Variants in AFG2A observed in about 807,000 individuals in gnomAD.
The protein encoded by AFG2A is AAA ATPase AFG2A, also known as ATPase family gene 2 protein homolog A.
chr4:123,305,244 G>A, the AFG2A span, among the ~76,000 whole-genome samples: 3 of 152,066 alleles, frequency 2.0e-5, no homozygotes, highest in Non-Finnish European at 4.4e-5. Context: ...TGAGGATATC[G>A]ATAATCTCTG....
the AFG2A span, among the ~76,000 whole-genome samples, chr4:123,093,881 A>G: frequency 6.6e-6 from 1 of 152,372 alleles, no homozygotes; most frequent in Non-Finnish European, 1.5e-5. Context: ...AGGTTAAACA[A>G]GAAAATTACA....
the AFG2A span, among the ~76,000 whole-genome samples, chr4:123,124,335 G>T: frequency 1.3e-5 from 2 of 152,168 alleles, no homozygotes; most frequent in Non-Finnish European, 1.5e-5. Context: ...CATGTCCTTT[G>T]TAGGGACATG....
chr4:123,116,710 G>A, the AFG2A span, among the ~76,000 whole-genome samples: 1 of 152,180 alleles, frequency 6.6e-6, no homozygotes, highest in Non-Finnish European at 1.5e-5. Flanking sequence ...AGATAAAAGA[G>A]GCTTTAGAGA....
the AFG2A span, among the ~76,000 whole-genome samples, chr4:123,288,289 G>C: frequency 6.6e-6 from 1 of 152,164 alleles, no homozygotes; most frequent in African/African-American, 2.4e-5. Context: ...GAAGGGACTA[G>C]ATTACATCTA....
the AFG2A span, among the ~76,000 whole-genome samples, chr4:123,091,780 A>G: frequency 1.2e-4 from 19 of 152,194 alleles, no homozygotes; most frequent in African/African-American, 4.8e-5. Flanking sequence ...TTCCTCATCT[A>G]TATCTAATAT....
chr4:123,211,543 A>G, the AFG2A span, among the ~76,000 whole-genome samples: 11 of 152,182 alleles, frequency 7.2e-5, no homozygotes, highest in African/African-American at 2.7e-4. Context: ...ACAAGCTGGA[A>G]AGCACCCTAT....
At chr4:123,287,286 A>G in the AFG2A span, among the ~76,000 whole-genome samples, 2 of 152,224 alleles carry the variant, frequency 1.3e-5, no homozygotes, top group East Asian at 3.9e-4. Flanking sequence ...ATTTAGTGTA[A>G]CCCCATTTTT....
the AFG2A span, among the ~76,000 whole-genome samples, chr4:122,937,925 A>T: frequency 1.3e-5 from 2 of 152,220 alleles, no homozygotes; most frequent in African/African-American, 2.4e-5. Context: ...TGGAGGGCAG[A>T]TAGAATAGAA....
the AFG2A span, among the ~76,000 whole-genome samples, chr4:123,029,570 G>A: frequency 1.3e-5 from 2 of 152,300 alleles, no homozygotes; most frequent in Non-Finnish European, 2.9e-5. Context: ...GAGTAAAGAT[G>A]GGGGAGGAGA....
the AFG2A span, among the ~76,000 whole-genome samples, chr4:123,001,375 A>G: frequency 6.6e-6 from 1 of 151,886 alleles, no homozygotes; most frequent in Non-Finnish European, 1.5e-5. Context: ...TTGCTTTTCT[A>G]GTTCTTCTAA....
chr4:122,937,944 T>C, the AFG2A span, among the ~76,000 whole-genome samples: 2 of 152,214 alleles, frequency 1.3e-5, no homozygotes, highest in African/African-American at 4.8e-5. Context: ...AATATGAAGT[T>C]AGTGAATTAG....
the AFG2A span, among the ~76,000 whole-genome samples, chr4:123,257,867 T>G: frequency 6.6e-6 from 1 of 152,182 alleles, no homozygotes; most frequent in Non-Finnish European, 1.5e-5. Flanking sequence ...AACATCGAAG[T>G]GCAAAACAAA....
chr4:122,959,445 A>G, the AFG2A span, among the ~76,000 whole-genome samples: 1 of 152,246 alleles, frequency 6.6e-6, no homozygotes, highest in Non-Finnish European at 1.5e-5. Flanking sequence ...AATACAAGTA[A>G]GAGTACAGAC....
At chr4:123,025,993 G>A in the AFG2A span, among the ~76,000 whole-genome samples, 2 of 152,212 alleles carry the variant, frequency 1.3e-5, no homozygotes, top group South Asian at 4.2e-4. Context: ...AAGGTAGTTG[G>A]ATTTGTCACA....
chr4:123,017,059 C>T, the AFG2A span, among the ~76,000 whole-genome samples: 3 of 150,242 alleles, frequency 2.0e-5, no homozygotes, highest in South Asian at 6.3e-4. Context: ...TGCAGTGAGC[C>T]GAGATGGCAG....
the AFG2A span, among the ~76,000 whole-genome samples, chr4:123,179,967 C>A: frequency 6.6e-6 from 1 of 152,100 alleles, no homozygotes; most frequent in African/African-American, 2.4e-5. Flanking sequence ...TGCCTGTAAT[C>A]CCCGCACTTT....
chr4:123,236,309 T>A, the AFG2A span, among the ~76,000 whole-genome samples: 2 of 152,214 alleles, frequency 1.3e-5, no homozygotes, highest in Non-Finnish European at 1.5e-5. Context: ...CATTGCAGTT[T>A]ATGATAAGCT....
At chr4:123,147,007 C>T in the AFG2A span, among the ~76,000 whole-genome samples, 2 of 152,198 alleles carry the variant, frequency 1.3e-5, no homozygotes, top group South Asian at 4.1e-4. Flanking sequence ...TTTTTCCTTC[C>T]TTTATACTGG....
the AFG2A span, among the ~76,000 whole-genome samples, chr4:123,092,570 A>G: frequency 6.9e-6 from 1 of 144,092 alleles, no homozygotes; most frequent in African/African-American, 2.5e-5. Flanking sequence ...AATTACCACA[A>G]ATTTAGCAGC....
Sources: gnomAD v4.1 joint callset for allele counts (sites outside exome capture counted in the v4.1 genomes callset) on GRCh38, gnomAD v4.1.1 for gene constraint, MANE v1.5 for transcripts, NCBI Gene and HGNC (gene_info 2026-07-23, HGNC 2026-07-21) for gene names.